CCDC62: variants seen among roughly 807,000 people sequenced by gnomAD.
CCDC62 encodes coiled-coil domain containing 62.
In CCDC62, 72 loss-of-function variants were observed where a neutral mutation model predicts 80.8. That is an observed-to-expected ratio of 0.89 (90% CI 0.74 to 1.08). The LOEUF is 1.08. Among genes scored for constraint, CCDC62 ranks in the 50% least tolerant of loss-of-function variants. CCDC62 has a pLI of 0.00. For synonymous variants in CCDC62, 286 were observed against 296.5 expected, an observed-to-expected ratio of 0.96 and a Z score of 0.36; for missense variants, 704 against 809.4, an observed-to-expected ratio of 0.87 and a Z score of 1.58.
chr12:122,801,663 G>C lies in CCDC62; in HGVS notation c.1517G>C (p.Gly506Ala). The change falls in exon 9 of 13, where the codon GGC becomes GCC. Residue 506 changes from glycine (G) to alanine (A), a missense_variant. Transcript: ENST00000253079. ...SCCQKNEACL[G>A]ESGMCDSKCC... The stretch of plus-strand genomic sequence containing the variant: ...TGCCAGAAAAATGAAGCCTGTCTGG[G>C]CGAAAGTGGCATGTGTGACTCCAAG... The C allele has an allele frequency of 6.2e-7, 1 of 1,614,182 alleles. No homozygotes were observed. Among genetic ancestry groups the C allele is most frequent in the Non-Finnish European group, 8.5e-7 (1 of 1,180,036 alleles).
At chr12:122,801,977 CTTCCTTAGGACCAATGG>C in intron 9 of CCDC62, 125 bp downstream of exon 9, 1 of 1,036,082 alleles carries the variant, frequency 9.7e-7, no homozygotes, top group South Asian at 1.5e-5. Flanking sequence ...TAACAGAAAT[CTTCCTTAGGACCAATGG>C]TTCCCTCTTT....
Position 122,791,855 on chromosome 12 carries a change from G to A in CCDC62, c.671-165G>A, listed in dbSNP as rs556522729. ...TGAGAGCAAGCGAAGCCTCCAACCA[G>A]GGGTCCTTGCCAGGTGTGGAGATGT... On this transcript the variant is annotated intron_variant, in intron 5 of 12. Coordinates refer to ENST00000253079, the MANE Select transcript of CCDC62 (RefSeq NM_201435.5). Among the ~76,000 whole-genome samples the A allele has an allele frequency of 4.6e-5, 7 of 152,338 alleles. No individual in the cohort carries two copies. The South Asian group carries it at 1.0e-3, about 23-fold the overall frequency.
Position 122,790,610 on chromosome 12 carries a change from T to C in CCDC62, c.671-1410T>C, listed in dbSNP as rs185652251. On this transcript the variant is annotated intron_variant, in intron 5 of 12. Coordinates refer to ENST00000253079, the MANE Select transcript of CCDC62 (RefSeq NM_201435.5). ...AGGTGGAGGTTGCAGTGAGCCAAGA[T>C]TGGCCACTACACTTCAGCCTGGGCA... Among the ~76,000 whole-genome samples the C allele has an allele frequency of 3.9e-5, 6 of 152,118 alleles. No individual in the cohort carries two copies. In the East Asian group the frequency reaches 9.7e-4, roughly 25 times the overall value.
intron 10 of CCDC62, among the ~76,000 whole-genome samples, chr12:122,810,838 C>A (rs2031837578): frequency 6.6e-6 from 1 of 152,040 alleles, no homozygotes. Context: ...TACTATGCAG[C>A]CATAAAAAAT....
Position 122,801,369 on chromosome 12 carries a change from A to G in CCDC62, c.1223A>G (p.Asn408Ser), listed in dbSNP as rs1566079810. ...ACCAAAGACTTAGTAGAGAAACACA[A>G]CCTCCCTTGGTCTCTGGGAGGAAAA... ...IFTKDLVEKH[N>S]LPWSLGGKTQ... The change falls in exon 9 of 13, where the codon AAC (asparagine) becomes AGC (serine). Residue 408 changes from asparagine to serine, a missense_variant. By Grantham distance (46) the Asn-to-Ser change is conservative. Transcript: ENST00000253079. 1 of 1,613,960 alleles carries G rather than the reference A, an allele frequency of 6.2e-7. No homozygotes were observed. Among genetic ancestry groups the G allele is most frequent in the South Asian group, 1.1e-5 (1 of 91,060 alleles).
intron 3 of CCDC62, among the ~76,000 whole-genome samples, chr12:122,781,901 G>A (rs538012675): frequency 2.0e-5 from 3 of 151,492 alleles, no homozygotes; most frequent in Non-Finnish European, 2.9e-5. Flanking sequence ...AAAATGAGCT[G>A]GGTGTGGGGG....
rs576974377 is a variant in CCDC62 at position 122,784,095 on chromosome 12, C to T, written c.397-1624C>T. On this transcript the variant is annotated intron_variant, in intron 3 of 12. Transcript: ENST00000253079. ...CCCCTGGTCACACGAATCTTTTTAC[C>T]GCCTCCATAGTTTTGCCTTTTCCAC... 1.3e-4 allele frequency among the ~76,000 whole-genome samples: 20 copies of T among 152,236 alleles called. No individual in the cohort carries two copies. The East Asian group carries it at 2.5e-3, about 19-fold the overall frequency.
chr12:122,779,497 G>T (rs947381748), intron 2 of CCDC62, among the ~76,000 whole-genome samples: 2 of 152,150 alleles, frequency 1.3e-5, no homozygotes, highest in Middle Eastern at 3.2e-3. Context: ...TAGGTCTGGG[G>T]CCCAAGGGTC....
chr12:122,800,427 A>ATT (rs750581644), intron 8 of CCDC62, among the ~76,000 whole-genome samples: 4 of 138,966 alleles, frequency 2.9e-5, no homozygotes, highest in Admixed American at 1.5e-4. Flanking sequence ...TAAAAAAAAA[A>ATT]TTTTTTTTTT....
At position 122,777,407 on chromosome 12, in the gene CCDC62, G is replaced by A. The variant is rs982138100; in HGVS notation, c.37-84G>A. The A allele has an allele frequency of 2.6e-6, 3 of 1,174,232 alleles. No individual in the cohort carries two copies. In the African/African-American group the frequency reaches 4.6e-5, roughly 18 times the overall value. The allele number at this position is 1,174,232 out of a possible 1,614,324, so 72.7% of individuals were successfully genotyped here. A position where few individuals can be genotyped will look rare whatever the true frequency, so the allele number is the denominator to read the frequency against. Reference sequence around the variant, plus strand: ...CTACTTAGAATTGGCCGCAAAAGAAGATATACTTATTTGGAAAATGGACTT... The same window carrying A: ...CTACTTAGAATTGGCCGCAAAAGAAAATATACTTATTTGGAAAATGGACTT... On this transcript the variant is annotated intron_variant, in intron 1 of 12. Coordinates refer to ENST00000253079, the MANE Select transcript of CCDC62 (RefSeq NM_201435.5).
chr12:122,784,496 G>A (rs1034994511), intron 3 of CCDC62, among the ~76,000 whole-genome samples: 4 of 151,914 alleles, frequency 2.6e-5, no homozygotes, highest in African/African-American at 7.3e-5. Flanking sequence ...ACTCCAGCCT[G>A]GCAACAGAGC....
intron 9 of CCDC62, 86 bp from the exon 10 acceptor site, chr12:122,806,065 C>CTTAAAAAACACTTA: frequency 8.1e-7 from 1 of 1,233,176 alleles, no homozygotes; most frequent in Non-Finnish European, 1.1e-6. Context: ...CTTATTTGTC[C>CTTAAAAAACACTTA]TTTTAAGATA....
intron 9 of CCDC62, 30 bp from the exon 10 acceptor site, chr12:122,806,121 T>C (rs757283196): frequency 4.4e-6 from 7 of 1,593,524 alleles, no homozygotes; most frequent in African/African-American, 4.1e-5. Flanking sequence ...TTTTAAGATA[T>C]TTGTTTTTGT....
rs1277177187 is a variant in CCDC62, at chr12:122,827,046, AG to A, written c.*666del. ...CTGACACAAACAAAAGCTTGCTGGA[AG>A]ATCGAGTTTTAGACGCATTTTTAAA... On this transcript the variant is annotated 3_prime_UTR_variant, in exon 13 of 13. Transcript: ENST00000253079. The A allele has an allele frequency of 1.3e-5, 2 of 152,250 alleles. No homozygotes were observed. Among genetic ancestry groups the A allele is most frequent in the African/African-American group, 4.8e-5 (2 of 41,470 alleles). 9.4% of individuals were successfully genotyped at this position (152,250 alleles called of 1,614,324 possible). A position where few individuals can be genotyped will look rare whatever the true frequency, so the allele number is the denominator to read the frequency against.
intron 11 of CCDC62, among the ~76,000 whole-genome samples, chr12:122,818,385 G>A (rs548877302): frequency 2.0e-4 from 30 of 151,584 alleles, no homozygotes; most frequent in African/African-American, 6.5e-4. Context: ...CCCATGAGGC[G>A]GAGCTTGCAG....
chr12:122,796,370 C>T (rs1415634047), intron 6 of CCDC62, among the ~76,000 whole-genome samples: 2 of 151,884 alleles, frequency 1.3e-5, no homozygotes, highest in African/African-American at 4.8e-5. Flanking sequence ...TCTCAAACTC[C>T]TGGGCTCAAG....
chr12:122,775,466 C>T (rs1879383783), intron 1 of CCDC62, among the ~76,000 whole-genome samples: 1 of 152,138 alleles, frequency 6.6e-6, no homozygotes, highest in Non-Finnish European at 1.5e-5. Context: ...GGTCTGTGGC[C>T]CAGCCACTGG....
intron 6 of CCDC62, among the ~76,000 whole-genome samples, chr12:122,796,538 T>TACGG (rs1396889325): frequency 6.6e-6 from 1 of 152,162 alleles, no homozygotes; most frequent in Non-Finnish European, 1.5e-5. Flanking sequence ...TCAGATGCAC[T>TACGG]ACGGATATCA....
chr12:122,800,631 G>A (rs1033132009), intron 8 of CCDC62, among the ~76,000 whole-genome samples: 3 of 151,864 alleles, frequency 2.0e-5, no homozygotes, highest in African/African-American at 7.3e-5. Flanking sequence ...TCTCCATGTT[G>A]GTCAGGCTGG....
Sources: allele counts gnomAD v4.1 joint callset (sites outside exome capture counted in the v4.1 genomes callset), GRCh38; gene constraint gnomAD v4.1.1; transcripts MANE v1.5; gene names NCBI Gene and HGNC (gene_info 2026-07-23, HGNC 2026-07-21).